Variants in FBXO11 observed in about 807,000 individuals in gnomAD.
The protein encoded by FBXO11 is F-box protein 11.
Under a neutral mutation model 117.0 loss-of-function variants are expected in FBXO11, and 13 were observed. That is an observed-to-expected ratio of 0.11 (90% CI 0.07 to 0.18). FBXO11 has a LOEUF of 0.18. FBXO11 is among the 10% of genes least tolerant of loss of function. FBXO11 has a pLI of 1.00. For missense variants in FBXO11, 767 were observed against 1,164.4 expected (o/e 0.66, Z 4.97); for synonymous variants, 490 against 380.5 (o/e 1.29, Z -3.35).
intron 16 of FBXO11, chr2:47,814,276 G>C (rs1328025828): frequency 6.4e-6 from 1 of 155,154 alleles, no homozygotes; most frequent in Non-Finnish European, 1.4e-5. Context: ...AGTCTATTAA[G>C]TATGCAATAG....
chr2:47,872,578 C>G (rs887082257), intron 1 of FBXO11, among the ~76,000 whole-genome samples: 3 of 152,226 alleles, frequency 2.0e-5, no homozygotes, highest in African/African-American at 7.2e-5. Context: ...CGTGCCTCGG[C>G]ATCCCAAAGT....
chr2:47,848,368 G>C (rs1252684520), intron 1 of FBXO11, among the ~76,000 whole-genome samples: 4 of 152,202 alleles, frequency 2.6e-5, no homozygotes, highest in Middle Eastern at 3.4e-3. Context: ...GCACATGCGA[G>C]GGATCTAGGT....
At chr2:47,828,239 C>T (rs1671911565) in intron 11 of FBXO11, among the ~76,000 whole-genome samples, 1 of 152,212 alleles carries the variant, frequency 6.6e-6, no homozygotes, top group Non-Finnish European at 1.5e-5. Flanking sequence ...CCTCAACCTC[C>T]CGAAGTGCTG....
At chr2:47,873,787 C>G (rs1675796677) in intron 1 of FBXO11, among the ~76,000 whole-genome samples, 1 of 152,152 alleles carries the variant, frequency 6.6e-6, no homozygotes, top group African/African-American at 2.4e-5. Context: ...AATTATGTTA[C>G]TGTAACATGA....
intron 1 of FBXO11, among the ~76,000 whole-genome samples, chr2:47,900,224 T>C (rs1358957185): frequency 6.6e-6 from 1 of 152,152 alleles, no homozygotes; most frequent in Non-Finnish European, 1.5e-5. Flanking sequence ...AAATAGGCTC[T>C]TTTTACAGCT....
At chr2:47,886,334 C>G (rs893019682) in intron 1 of FBXO11, among the ~76,000 whole-genome samples, 2 of 151,744 alleles carry the variant, frequency 1.3e-5, no homozygotes, top group East Asian at 1.9e-4. Flanking sequence ...GTGAAACTCC[C>G]GTCTCTACTA....
chr2:47,811,318 G>C (rs559022354), intron 18 of FBXO11: 2 of 152,136 alleles, frequency 1.3e-5, no homozygotes, highest in East Asian at 1.9e-4. Context: ...CCCTGCCTCC[G>C]GGTTCAAGCA....
chr2:47,905,284 C>T, intron 1 of FBXO11: 1 of 347,432 alleles, frequency 2.9e-6, no homozygotes, highest in Non-Finnish European at 4.7e-6. Context: ...AGAGCCCAGG[C>T]GAGAAGGGAA....
chr2:47,863,067 A>C (rs754476770), intron 1 of FBXO11, among the ~76,000 whole-genome samples: 47 of 131,230 alleles, frequency 3.6e-4, no homozygotes, highest in African/African-American at 9.8e-4. Context: ...AAAAAAAAAA[A>C]AAAACAAAAA....
intron 1 of FBXO11, among the ~76,000 whole-genome samples, chr2:47,860,469 G>C (rs1279612211): frequency 6.7e-6 from 1 of 149,962 alleles, no homozygotes; most frequent in Non-Finnish European, 1.5e-5. Flanking sequence ...GGAGCGCAGT[G>C]GCACAATCTC....
rs185313884 is a variant in FBXO11 at position 47,885,687 on chromosome 2, T to C, written c.232+19802A>G. Among the ~76,000 whole-genome samples the C allele has an allele frequency of 3.9e-3, 595 of 152,188 alleles. 2 individuals are homozygous for C. The highest frequency in any genetic ancestry group is 6.1e-3 in the Non-Finnish European group (417 of 68,006). Reference sequence around the variant, plus strand: ...TTGGAAAAGATTGTTCCACAGGTGGTAGAGTAAAGCCTTGAAGAGAGTGCC... The same window carrying C: ...TTGGAAAAGATTGTTCCACAGGTGGCAGAGTAAAGCCTTGAAGAGAGTGCC... On this transcript the variant is annotated intron_variant, in intron 1 of 22. Coordinates refer to ENST00000403359, the MANE Select transcript of FBXO11 (RefSeq NM_001190274.2).
intron 17 of FBXO11, 48 bp downstream of exon 17, chr2:47,813,743 A>T (rs1670800871): frequency 1.4e-6 from 2 of 1,479,356 alleles, no homozygotes; most frequent in Non-Finnish European, 1.8e-6. Context: ...TAGAAGGTGT[A>T]TTTCTAAAGT....
intron 13 of FBXO11, among the ~76,000 whole-genome samples, chr2:47,820,949 C>T (rs559323814): frequency 2.1e-4 from 32 of 152,308 alleles, no homozygotes; most frequent in African/African-American, 7.2e-4. Flanking sequence ...ACACAGATAT[C>T]TACTGATTGT....
chr2:47,851,838 A>G (rs1673885312), intron 1 of FBXO11, among the ~76,000 whole-genome samples: 1 of 152,234 alleles, frequency 6.6e-6, no homozygotes, highest in Non-Finnish European at 1.5e-5. Context: ...AAATGAAAAT[A>G]TGGCTATATT....
chr2:47,809,610 C>A lies in FBXO11; in HGVS notation c.2436G>T (p.Val812=). Reference sequence around the variant, plus strand: ...CAGACTCCAACATACCTTTCATTGTCACATTAACACCAGATGCTAAAAATA... The same window carrying A: ...CAGACTCCAACATACCTTTCATTGTAACATTAACACCAGATGCTAAAAATA... ...GGLFLASGVN[V]TMKDNKIMNN... The change falls in exon 20 of 23, where the codon GTG becomes GTT. Residue 812 remains valine, a synonymous_variant. Transcript: ENST00000403359. 6.2e-7 allele frequency: 1 copy of A among 1,611,164 alleles called. No homozygotes were observed. The highest frequency in any genetic ancestry group is 8.5e-7 in the Non-Finnish European group (1 of 1,177,926).
chr2:47,869,284 C>G (rs1675432750), intron 1 of FBXO11, among the ~76,000 whole-genome samples: 1 of 152,140 alleles, frequency 6.6e-6, no homozygotes, highest in Non-Finnish European at 1.5e-5. Context: ...TATCAAGAGA[C>G]ACAATAATGA....
chr2:47,862,953 G>A (rs1006396774), intron 1 of FBXO11, among the ~76,000 whole-genome samples: 1 of 151,448 alleles, frequency 6.6e-6, no homozygotes, highest in Admixed American at 6.6e-5. Context: ...TACTTGGGAG[G>A]CTAAGGCAGG....
At chr2:47,838,757 A>G (rs1454113838) in intron 4 of FBXO11, 102 bp downstream of exon 4, 1 of 1,022,770 alleles carries the variant, frequency 9.8e-7, no homozygotes, top group Non-Finnish European at 1.4e-6. Flanking sequence ...TGTTCCAACT[A>G]ATTGTAACTA....
intron 1 of FBXO11, among the ~76,000 whole-genome samples, chr2:47,851,931 T>C (rs1673893873): frequency 6.6e-6 from 1 of 152,196 alleles, no homozygotes; most frequent in African/African-American, 2.4e-5. Context: ...CTTTACAAAT[T>C]TGTGCGTCTA....
Sources: allele counts gnomAD v4.1 joint callset (sites outside exome capture counted in the v4.1 genomes callset), GRCh38; gene constraint gnomAD v4.1.1; transcripts MANE v1.5; gene names NCBI Gene and HGNC (gene_info 2026-07-23, HGNC 2026-07-21).